The following SORT1 variants were observed in gnomAD, a reference collection of about 807,000 sequenced individuals.
SORT1 encodes the protein sortilin.
SORT1 carries 39 observed loss-of-function variants against 101.7 expected under a neutral mutation model. That is an observed-to-expected ratio of 0.38 (90% CI 0.30 to 0.50). The LOEUF is 0.50. Among genes scored for constraint, SORT1 ranks in the 20% least tolerant of loss-of-function variants. The probability of loss-of-function intolerance (pLI) is 0.90; values close to 1 mark genes in which losing one functional copy is unlikely to be tolerated. For synonymous variants in SORT1, 396 were observed against 393.7 expected (o/e 1.01, Z -0.07); for missense variants, 878 against 1,040.4 (o/e 0.84, Z 2.15).
intron 19 of SORT1, 24 bp from the exon 20 acceptor site, chr1:109,314,081 A>G: frequency 6.2e-7 from 1 of 1,613,996 alleles, no homozygotes. Context: ...GCACCATATT[A>G]CCGACAGACC....
chr1:109,327,275 T>C, intron 12 of SORT1, 115 bp from the exon 13 acceptor site: 2 of 1,026,882 alleles, frequency 1.9e-6, no homozygotes, highest in Non-Finnish European at 2.8e-6. Context: ...TCAAGCCTCT[T>C]TTAGTAGGAA....
In SORT1 at chr1:109,323,229, G is replaced by C. The variant is rs901248187; in HGVS notation, c.1835-108C>G. On this transcript the variant is annotated intron_variant, in intron 14 of 19. Transcript: ENST00000256637. ...AAGGAGAGGGAAAGTGGGAATGTCT[G>C]ACTCAACCTATTCCTTCATTTTGGA... 3 of 733,768 alleles carry C rather than the reference G, an allele frequency of 4.1e-6. No individual in the cohort carries two copies. The African/African-American group carries it at 5.2e-5, about 13-fold the overall frequency. 45.5% of individuals were successfully genotyped at this position (733,768 alleles called of 1,614,324 possible). A position where few individuals can be genotyped will look rare whatever the true frequency, so the allele number is the denominator to read the frequency against.
At chr1:109,349,754 A>G (rs1649837709) in intron 6 of SORT1, among the ~76,000 whole-genome samples, 1 of 152,252 alleles carries the variant, frequency 6.6e-6, no homozygotes, top group Admixed American at 6.5e-5. Flanking sequence ...CCTGGACAAA[A>G]GAGCAATACC....
At chr1:109,392,924 A>G (rs1652994759) in intron 1 of SORT1, 21 of 985,370 alleles carry the variant, frequency 2.1e-5, no homozygotes, top group Non-Finnish European at 2.4e-5. Context: ...AGACTATTAA[A>G]TAAGCTAGAC....
rs564231023 is a variant in SORT1, at chr1:109,313,068, C to G, written c.*975G>C. ...TGTCATGATTTAGCAACGAGCCACACGACAGTTAAGAAGGGAACATGGAAG... is the reference window on the plus strand; with the variant it reads ...TGTCATGATTTAGCAACGAGCCACAGGACAGTTAAGAAGGGAACATGGAAG... On this transcript the variant is annotated 3_prime_UTR_variant, in exon 20 of 20. Transcript: ENST00000256637. The G allele has an allele frequency of 6.6e-6, 1 of 152,166 alleles. No homozygotes were observed. The highest frequency in any genetic ancestry group is 1.5e-5 in the Non-Finnish European group (1 of 68,050). The allele number at this position is 152,166 out of a possible 1,614,324, so 9.4% of individuals were successfully genotyped here.
At chr1:109,392,520 C>T (rs1486087085) in intron 1 of SORT1, 1 of 679,652 alleles carries the variant, frequency 1.5e-6, no homozygotes, top group Admixed American at 6.3e-5. Context: ...CACAAGCAGA[C>T]ATGAGACTCA....
chr1:109,397,871 C>G lies in SORT1; in HGVS notation c.22G>C (p.Ala8Pro), dbSNP rs1233201636. ...TGGGGCCAGCGCGAGAGGCCGTCCG[C>G]AGCTCCCCAGGGCCGCTCCATCGCC... MERPWGA[A>P]DGLSRWPHGL... The change falls in exon 1 of 20, where the codon GCG becomes CCG. Residue 8 changes from alanine (A) to proline (P), a missense_variant. Physicochemically the swap from Ala to Pro is conservative, Grantham distance 27. Coordinates refer to ENST00000256637, the MANE Select transcript of SORT1 (RefSeq NM_002959.7). 2.4e-6 allele frequency: 3 copies of G among 1,262,222 alleles called. No individual in the cohort carries two copies. In the African/African-American group the frequency reaches 4.7e-5, roughly 20 times the overall value. The allele number at this position is 1,262,222 out of a possible 1,614,324, so 78.2% of individuals were successfully genotyped here. A position where few individuals can be genotyped will look rare whatever the true frequency, so the allele number is the denominator to read the frequency against.
intron 1 of SORT1, among the ~76,000 whole-genome samples, chr1:109,390,798 T>TGTGTGTGC (rs749556914): frequency 2.6e-4 from 38 of 144,864 alleles, no homozygotes; most frequent in African/African-American, 8.1e-4. Flanking sequence ...TGTGTGTGTG[T>TGTGTGTGC]GCGCGCGCGC....
intron 1 of SORT1, among the ~76,000 whole-genome samples, chr1:109,374,607 A>T (rs1352845632): frequency 6.6e-6 from 1 of 152,030 alleles, no homozygotes; most frequent in Non-Finnish European, 1.5e-5. Flanking sequence ...AAAGAAAGAA[A>T]GAAAAGAAAA....
chr1:109,323,508 C>T (rs1647778952), intron 14 of SORT1, among the ~76,000 whole-genome samples: 1 of 152,184 alleles, frequency 6.6e-6, no homozygotes, highest in Non-Finnish European at 1.5e-5. Flanking sequence ...CCACTCAGGA[C>T]CAGGGAGCTC....
chr1:109,326,929 T>C (rs1469173059), intron 13 of SORT1, 63 bp downstream of exon 13: 6 of 1,283,632 alleles, frequency 4.7e-6, no homozygotes, highest in South Asian at 1.7e-5. Context: ...CCCAATAAAC[T>C]GAAGAACATT....
intron 1 of SORT1, chr1:109,393,029 T>G (rs1653003536): frequency 1.0e-6 from 1 of 985,218 alleles, no homozygotes; most frequent in Non-Finnish European, 1.2e-6. Flanking sequence ...GGACTGACCT[T>G]CAGACTTCCG....
chr1:109,322,863 A>G (rs984747384), intron 15 of SORT1, 69 bp downstream of exon 15: 7 of 1,288,472 alleles, frequency 5.4e-6, no homozygotes, highest in African/African-American at 4.4e-5. Flanking sequence ...TGTTAGCCCT[A>G]TAAGAAAACT....
chr1:109,389,433 C>T (rs931396855), intron 1 of SORT1, among the ~76,000 whole-genome samples: 1 of 152,186 alleles, frequency 6.6e-6, no homozygotes, highest in African/African-American at 2.4e-5. Context: ...GATTTCAACA[C>T]TCCTATGAAA....
chr1:109,342,745 T>C (rs190104918), intron 8 of SORT1, among the ~76,000 whole-genome samples: 2 of 151,580 alleles, frequency 1.3e-5, no homozygotes, highest in Admixed American at 1.3e-4. Context: ...CCAAGGAGAG[T>C]CGGAAATTAC....
intron 1 of SORT1, among the ~76,000 whole-genome samples, chr1:109,390,798 T>TGTGC (rs749556914): frequency 0.029 from 4,140 of 144,904 alleles, 128 homozygotes; most frequent in African/African-American, 0.081. Flanking sequence ...TGTGTGTGTG[T>TGTGC]GCGCGCGCGC....
At chr1:109,348,667 A>AT (rs1014493831) in intron 6 of SORT1, among the ~76,000 whole-genome samples, 10 of 151,750 alleles carry the variant, frequency 6.6e-5, no homozygotes, top group South Asian at 2.1e-4. Context: ...TTTTTCATTA[A>AT]TTTTTTGTAG....
At chr1:109,321,032 C>T (rs1211515285) in intron 15 of SORT1, among the ~76,000 whole-genome samples, 2 of 152,174 alleles carry the variant, frequency 1.3e-5, no homozygotes, top group Admixed American at 6.5e-5. Flanking sequence ...CCACTTCCCA[C>T]GGGCATATCA....
intron 1 of SORT1, among the ~76,000 whole-genome samples, chr1:109,372,450 G>A (rs563492238): frequency 2.6e-5 from 4 of 152,158 alleles, no homozygotes; most frequent in African/African-American, 7.2e-5. Flanking sequence ...AAAAGATGAC[G>A]CCCAAGTAAA....
Sources: allele counts gnomAD v4.1 joint callset (sites outside exome capture counted in the v4.1 genomes callset), GRCh38; gene constraint gnomAD v4.1.1; transcripts MANE v1.5; gene names NCBI Gene and HGNC (gene_info 2026-07-23, HGNC 2026-07-21).